GADL1: variants seen among roughly 807,000 people sequenced by gnomAD.
GADL1 encodes acidic amino acid decarboxylase GADL1.
GADL1 carries 71 observed loss-of-function variants against 69.5 expected under a neutral mutation model. The observed-to-expected ratio is 1.02, with a 90% CI of 0.84 to 1.25. GADL1 has a LOEUF of 1.25. Among genes scored for constraint, GADL1 ranks in the 50% most tolerant of loss-of-function variants. GADL1 has a pLI of 0.00. For missense variants in GADL1, 737 were observed against 631.8 expected, an observed-to-expected ratio of 1.17 and a Z score of -1.79; for synonymous variants, 254 against 214.4, an observed-to-expected ratio of 1.18 and a Z score of -1.62.
chr3:30,776,153 C>T (rs577874970), intron 14 of GADL1, among the ~76,000 whole-genome samples: 9 of 152,308 alleles, frequency 5.9e-5, no homozygotes, highest in Non-Finnish European at 8.8e-5. Flanking sequence ...TTCAATTTCT[C>T]TAAAAACAAA....
At chr3:30,785,725 ATTT>A (rs549384332) in intron 13 of GADL1, among the ~76,000 whole-genome samples, 7 of 152,190 alleles carry the variant, frequency 4.6e-5, no homozygotes, top group Non-Finnish European at 1.0e-4. Context: ...TCTCTAGGTT[ATTT>A]TTACATTAGG....
intron 6 of GADL1, among the ~76,000 whole-genome samples, chr3:30,849,049 C>A (rs1452337741): frequency 6.6e-6 from 1 of 152,126 alleles, no homozygotes. Context: ...GGCTAAGACT[C>A]AAGAGGCCTG....
At chr3:30,850,345 A>C (rs1464636562) in intron 5 of GADL1, among the ~76,000 whole-genome samples, 1 of 152,050 alleles carries the variant, frequency 6.6e-6, no homozygotes, top group East Asian at 1.9e-4. Flanking sequence ...GTTTATTCCC[A>C]TGACAGGCTT....
chr3:30,859,120 A>AT (rs1698276648), intron 2 of GADL1, among the ~76,000 whole-genome samples: 1 of 151,752 alleles, frequency 6.6e-6, no homozygotes, highest in Admixed American at 6.6e-5. Context: ...TGAAGTGAGA[A>AT]TGTAGGAGGT....
At chr3:30,759,181 G>T (rs1010955975) in intron 14 of GADL1, among the ~76,000 whole-genome samples, 4 of 152,188 alleles carry the variant, frequency 2.6e-5, no homozygotes, top group African/African-American at 9.6e-5. Context: ...AGAAGCAGCA[G>T]CTCCCTGGGC....
At chr3:30,768,910 A>AG (rs968463845) in intron 14 of GADL1, among the ~76,000 whole-genome samples, 83 of 152,146 alleles carry the variant, frequency 5.5e-4, no homozygotes, top group African/African-American at 2.0e-3. Context: ...AAGTGCCACC[A>AG]GGGGGCAGGC....
rs1386830808 is a variant in GADL1, at chr3:30,857,209, G to A, written c.211-68C>T. Reference sequence around the variant, plus strand: ...CAGGTATTGAGAGGATGTTACAAACGTGGACTCTACCATTACAAAGCTTCT... The same window carrying A: ...CAGGTATTGAGAGGATGTTACAAACATGGACTCTACCATTACAAAGCTTCT... On this transcript the variant is annotated intron_variant, in intron 2 of 14. Coordinates refer to ENST00000282538, the MANE Select transcript of GADL1 (RefSeq NM_207359.3). 9 of 1,363,348 alleles carry A rather than the reference G, an allele frequency of 6.6e-6. No individual in the cohort carries two copies. In the African/African-American group the frequency reaches 7.2e-5, roughly 11 times the overall value. 84.5% of individuals were successfully genotyped at this position (1,363,348 alleles called of 1,614,324 possible). A position where few individuals can be genotyped will look rare whatever the true frequency, so the allele number is the denominator to read the frequency against.
chr3:30,742,366 A>AT (rs898220651), intron 14 of GADL1, among the ~76,000 whole-genome samples: 3 of 151,338 alleles, frequency 2.0e-5, no homozygotes, highest in African/African-American at 4.8e-5. Context: ...TATTTAATAT[A>AT]TTTTTTTTAT....
intron 14 of GADL1, among the ~76,000 whole-genome samples, chr3:30,735,458 C>A (rs774536055): frequency 2.6e-5 from 4 of 152,114 alleles, no homozygotes; most frequent in Non-Finnish European, 5.9e-5. Context: ...TACTACTCAG[C>A]AATTAAAGGG....
chr3:30,851,789 C>T lies in GADL1; in HGVS notation c.429-848G>A, dbSNP rs563436007. 5.0e-4 allele frequency among the ~76,000 whole-genome samples: 76 copies of T among 152,228 alleles called. No homozygotes were observed. In the South Asian group the frequency reaches 0.015, roughly 30 times the overall value. ...CGTGGCAATTTGACTCCTATACTTGCCCTTTCTTGCATCCTCCTCCTCCTT... is the reference window on the plus strand; with the variant it reads ...CGTGGCAATTTGACTCCTATACTTGTCCTTTCTTGCATCCTCCTCCTCCTT... On this transcript the variant is annotated intron_variant, in intron 4 of 14. Transcript: ENST00000282538.
intron 11 of GADL1, among the ~76,000 whole-genome samples, chr3:30,810,875 C>A (rs1462222704): frequency 6.6e-6 from 1 of 152,128 alleles, no homozygotes; most frequent in Non-Finnish European, 1.5e-5. Context: ...GAAGTCCCTC[C>A]CCCTCCTGCT....
chr3:30,884,416 G>C (rs1308950466), intron 1 of GADL1, among the ~76,000 whole-genome samples: 2 of 151,992 alleles, frequency 1.3e-5, no homozygotes, highest in African/African-American at 2.4e-5. Flanking sequence ...TCCTTAAAGA[G>C]GTGGTGGCAA....
chr3:30,756,612 T>TCA (rs2125482078), intron 14 of GADL1, among the ~76,000 whole-genome samples: 1 of 152,312 alleles, frequency 6.6e-6, no homozygotes, highest in South Asian at 2.1e-4. Flanking sequence ...GGCCTCAAGG[T>TCA]AACTTCCTTT....
chr3:30,858,106 G>A (rs1298336365), intron 2 of GADL1, among the ~76,000 whole-genome samples: 1 of 151,788 alleles, frequency 6.6e-6, no homozygotes, highest in Non-Finnish European at 1.5e-5. Context: ...CTAATATACT[G>A]TTACTTATTG....
At chr3:30,854,013 C>CT (rs1476105277) in intron 4 of GADL1, among the ~76,000 whole-genome samples, 1 of 152,078 alleles carries the variant, frequency 6.6e-6, no homozygotes, top group Admixed American at 6.6e-5. Flanking sequence ...CTCTCTCTTT[C>CT]TCTAGTCTTA....
At chr3:30,818,437 AACTC>A (rs1362199531) in intron 11 of GADL1, among the ~76,000 whole-genome samples, 7 of 152,178 alleles carry the variant, frequency 4.6e-5, no homozygotes, top group Non-Finnish European at 7.3e-5. Context: ...CTTTCAGAAA[AACTC>A]AAATTGACTA....
At chr3:30,735,467 G>A (rs1031517580) in intron 14 of GADL1, among the ~76,000 whole-genome samples, 2 of 152,054 alleles carry the variant, frequency 1.3e-5, no homozygotes, top group African/African-American at 4.8e-5. Context: ...GCAATTAAAG[G>A]GAATAAACTA....
At chr3:30,762,012 T>C (rs1696148204) in intron 14 of GADL1, among the ~76,000 whole-genome samples, 1 of 152,116 alleles carries the variant, frequency 6.6e-6, no homozygotes, top group Admixed American at 6.6e-5. Context: ...AGACAGTGAG[T>C]ACAGGTCTTG....
chr3:30,736,563 T>C (rs1290414022), intron 14 of GADL1, among the ~76,000 whole-genome samples: 1 of 152,212 alleles, frequency 6.6e-6, no homozygotes, highest in Non-Finnish European at 1.5e-5. Flanking sequence ...TTATTATCTC[T>C]TGAGACATGA....
Sources: allele counts gnomAD v4.1 joint callset (sites outside exome capture counted in the v4.1 genomes callset), GRCh38; gene constraint gnomAD v4.1.1; transcripts MANE v1.5; gene names NCBI Gene and HGNC (gene_info 2026-07-23, HGNC 2026-07-21).